NPAS3: variants seen among roughly 807,000 people sequenced by gnomAD.
NPAS3 encodes neuronal PAS domain protein 3, also known as neuronal PAS domain-containing protein 3.
A neutral mutation model predicts 73.1 loss-of-function variants in NPAS3; 14 were observed. The ratio of observed to expected loss-of-function variants is 0.19; its 90% confidence interval spans 0.13 to 0.30. The LOEUF (loss-of-function observed/expected upper bound fraction) is 0.30. Ranked by LOEUF, NPAS3 falls within the 10% of genes least tolerant of loss-of-function variation. The pLI, the probability that NPAS3 is intolerant of heterozygous loss-of-function variation, is 1.00. For synonymous variants in NPAS3, 620 were observed against 541.5 expected (o/e 1.14, Z -2.01); for missense variants, 1,096 against 1,250.0 (o/e 0.88, Z 1.86).
chr14:33,763,845 GT>G (rs5807742), intron 7 of NPAS3, among the ~76,000 whole-genome samples: 39,699 of 145,026 alleles, frequency 0.27, 9,151 homozygotes, highest in African/African-American at 0.64. Context: ...GGGAGTATTG[GT>G]TTTTTTTTTT....
chr14:33,591,573 G>T lies in NPAS3; in HGVS notation c.558+31363G>T, dbSNP rs550589398. 2.0e-5 allele frequency among the ~76,000 whole-genome samples: 3 copies of T among 152,298 alleles called. No homozygotes were observed. In the South Asian group the frequency reaches 6.2e-4, roughly 32 times the overall value. ...TCCTAAAAGGTGCCTTCAACCTCAG[G>T]TAGTGTTCTAGGCCTTTCAGTGTCT... is the stretch of plus-strand genomic sequence containing the variant. On this transcript the variant is annotated intron_variant, in intron 5 of 11. Transcript: ENST00000356141.
At chr14:33,089,886 T>C (rs2042165907) in intron 2 of NPAS3, among the ~76,000 whole-genome samples, 1 of 152,144 alleles carries the variant, frequency 6.6e-6, no homozygotes, top group Admixed American at 6.5e-5. Flanking sequence ...AAATTTCATA[T>C]CCAGCCAAAC....
chr14:33,611,658 G>A lies in NPAS3; in HGVS notation c.558+51448G>A, dbSNP rs555002251. ...GAATACATATTTTCCAGTTATTTGCGTGAACTAGAAGTAGTTGTGAAAATA... is the reference window on the plus strand; with the variant it reads ...GAATACATATTTTCCAGTTATTTGCATGAACTAGAAGTAGTTGTGAAAATA... On this transcript the variant is annotated intron_variant, in intron 5 of 11. Transcript: ENST00000356141. Among the ~76,000 whole-genome samples, 8 of 152,240 alleles carry A rather than the reference G, an allele frequency of 5.3e-5. No individual in the cohort carries two copies. In the South Asian group the frequency reaches 8.3e-4, roughly 16 times the overall value.
chr14:33,419,181 G>A (rs1475793755), intron 4 of NPAS3, among the ~76,000 whole-genome samples: 1 of 151,832 alleles, frequency 6.6e-6, no homozygotes, highest in East Asian at 1.9e-4. Flanking sequence ...GTTCATCAAG[G>A]AACAGCATCT....
chr14:33,728,580 G>C (rs2061329604), intron 6 of NPAS3, among the ~76,000 whole-genome samples: 1 of 152,148 alleles, frequency 6.6e-6, no homozygotes, highest in African/African-American at 2.4e-5. Flanking sequence ...GCAAAGGGTG[G>C]TACAACTTGT....
At chr14:33,416,052 C>A (rs1448691949) in intron 4 of NPAS3, among the ~76,000 whole-genome samples, 1 of 151,984 alleles carries the variant, frequency 6.6e-6, no homozygotes, top group Non-Finnish European at 1.5e-5. Flanking sequence ...CATGGGAGTA[C>A]CTCTGCAGGA....
At chr14:33,593,250 G>A (rs980484107) in intron 5 of NPAS3, among the ~76,000 whole-genome samples, 6 of 152,116 alleles carry the variant, frequency 3.9e-5, no homozygotes, top group South Asian at 2.1e-4. Context: ...ACTCTCTGGC[G>A]GAGCTGAAGA....
At chr14:33,147,725 T>TAAAAAAAAAA (rs72264623) in intron 2 of NPAS3, among the ~76,000 whole-genome samples, 8 of 91,638 alleles carry the variant, frequency 8.7e-5, no homozygotes, top group African/African-American at 2.9e-4. Flanking sequence ...TAAAGTAGAA[T>TAAAAAAAAAA]AAAAAATATA....
At position 33,411,996 on chromosome 14, in the gene NPAS3, A is replaced by T. The variant is rs79237484; in HGVS notation, c.468+44728A>T. Among the ~76,000 whole-genome samples, 222 of 152,320 alleles carry T rather than the reference A, an allele frequency of 1.5e-3. 3 individuals carry two copies. The East Asian group carries it at 0.022, about 15-fold the overall frequency. ...ATTGTATAACTCAATGTACAATGTA[A>T]AAGCTATACTATATGGCACCCTAAC... On this transcript the variant is annotated intron_variant, in intron 4 of 11. Coordinates refer to ENST00000356141, the Ensembl canonical transcript of NPAS3.
chr14:33,800,106 G>A lies in NPAS3; in HGVS notation c.1799G>A (p.Arg600His), dbSNP rs1421750160. The stretch of plus-strand genomic sequence containing the variant: ...CAGGCCTCCAGCAAGCACCAGAAGC[G>A]CAAGAAAAGGCGGAAACGGCAAAAG... The change falls in exon 12 of 12, where the codon CGC becomes CAC. Residue 600 changes from arginine to histidine, a missense_variant. Arg to His is a conservative substitution (Grantham distance 29). Around this residue, in one of 5 missense-constraint regions of NPAS3, gnomAD observed 698 missense variants for 676.7 expected, o/e 1.03. Coordinates refer to ENST00000356141, the Ensembl canonical transcript of NPAS3. The surrounding 1 kb of genome is among the most constrained non-coding windows in gnomAD (Gnocchi z 6.5). 7 of 1,585,452 alleles carry A rather than the reference G, an allele frequency of 4.4e-6. No homozygotes were observed. Among genetic ancestry groups the A allele is most frequent in the Middle Eastern group, 1.7e-4 (1 of 6,036 alleles).
At chr14:33,598,799 T>C (rs1184507315) in intron 5 of NPAS3, among the ~76,000 whole-genome samples, 1 of 152,192 alleles carries the variant, frequency 6.6e-6, no homozygotes, top group Non-Finnish European at 1.5e-5. Flanking sequence ...CATCATTAAA[T>C]TAACCATGAG....
intron 1 of NPAS3, among the ~76,000 whole-genome samples, chr14:33,024,834 CT>C (rs2039745176): frequency 6.6e-6 from 1 of 152,098 alleles, no homozygotes; most frequent in Non-Finnish European, 1.5e-5. Flanking sequence ...ACACGTATTA[CT>C]TTTGTAATCA....
intron 2 of NPAS3, among the ~76,000 whole-genome samples, chr14:33,091,417 A>G (rs1186738436): frequency 6.6e-6 from 1 of 152,242 alleles, no homozygotes; most frequent in Non-Finnish European, 1.5e-5. Flanking sequence ...CTTGACACAT[A>G]CACCCTCCCA....
intron 3 of NPAS3, among the ~76,000 whole-genome samples, chr14:33,317,208 T>C (rs933501603): frequency 2.6e-4 from 39 of 152,182 alleles, no homozygotes; most frequent in African/African-American, 8.9e-4. Flanking sequence ...CTATTAATGA[T>C]TGAATAACAT....
chr14:33,295,923 C>A (rs942202646), intron 3 of NPAS3, among the ~76,000 whole-genome samples: 32 of 152,146 alleles, frequency 2.1e-4, no homozygotes, highest in African/African-American at 7.7e-4. Context: ...AATATGGTAC[C>A]CCTGTATAAA....
intron 2 of NPAS3, among the ~76,000 whole-genome samples, chr14:33,163,592 C>G (rs1048356078): frequency 6.8e-6 from 1 of 147,786 alleles, no homozygotes; most frequent in Non-Finnish European, 1.5e-5. Context: ...TAACATCACA[C>G]TTAAGAATAC....
At chr14:33,778,766 C>A (rs555876400) in intron 9 of NPAS3, among the ~76,000 whole-genome samples, 194 bp downstream of exon 9, 1 of 152,298 alleles carries the variant, frequency 6.6e-6, no homozygotes, top group South Asian at 2.1e-4. Flanking sequence ...GGACCTCAGG[C>A]CTAGAGAAAT....
chr14:33,279,267 A>T (rs1441117425), intron 3 of NPAS3, among the ~76,000 whole-genome samples: 2 of 152,182 alleles, frequency 1.3e-5, no homozygotes, highest in East Asian at 3.8e-4. Context: ...TATGTTTGTT[A>T]AAGGTAATAA....
chr14:33,784,751 T>TATTTA lies in NPAS3; in HGVS notation c.1153+6179_1153+6180insATTTA, dbSNP rs199829124. Among the ~76,000 whole-genome samples the TATTTA allele has an allele frequency of 3.9e-3, 452 of 114,830 alleles. 1 individual carries two copies. Among genetic ancestry groups the TATTTA allele is most frequent in the South Asian group, 0.011 (38 of 3,428 alleles). The allele number at this position is 114,830 out of a possible 152,430, so 75.3% of individuals were successfully genotyped here. A position where few individuals can be genotyped will look rare whatever the true frequency, so the allele number is the denominator to read the frequency against. ...TTTATTTATTTATTTATTTATTTTT[T>TATTTA]TTTTTTTTTTTTTTTTGAGACAGAG... On this transcript the variant is annotated intron_variant, in intron 9 of 11. Transcript: ENST00000356141.
Sources: allele counts gnomAD v4.1 joint callset (sites outside exome capture counted in the v4.1 genomes callset), GRCh38; gene constraint gnomAD v4.1.1; regional missense constraint gnomAD v4.1.1; non-coding constraint Gnocchi (gnomAD v3.1); transcripts MANE v1.5; gene names NCBI Gene and HGNC (gene_info 2026-07-23, HGNC 2026-07-21).